The following ADAMTS17 variants were observed in gnomAD, a reference collection of about 807,000 sequenced individuals.
The protein encoded by ADAMTS17 is A disintegrin and metalloproteinase with thrombospondin motifs 17.
ADAMTS17 carries 113 observed loss-of-function variants against 141.5 expected under a neutral mutation model. The observed-to-expected ratio is 0.80, with a 90% CI of 0.69 to 0.93. ADAMTS17 has a LOEUF of 0.93. Among genes scored for constraint, ADAMTS17 ranks in the 40% least tolerant of loss-of-function variants. The pLI is 0.00. For missense variants in ADAMTS17, 1,659 were observed against 1,517.9 expected, an observed-to-expected ratio of 1.09 and a Z score of -1.54; for synonymous variants, 768 against 630.6, an observed-to-expected ratio of 1.22 and a Z score of -3.27.
intron 7 of ADAMTS17, among the ~76,000 whole-genome samples, chr15:100,206,766 C>T (rs1045604817): frequency 3.3e-5 from 5 of 152,218 alleles, no homozygotes; most frequent in Non-Finnish European, 7.3e-5. Context: ...TGGATCGAAT[C>T]TCCCTTCAGA....
intron 18 of ADAMTS17, among the ~76,000 whole-genome samples, chr15:100,030,774 A>G (rs2030079371): frequency 1.3e-5 from 2 of 152,188 alleles, no homozygotes; most frequent in Non-Finnish European, 2.9e-5. Context: ...ATGTTAGTAT[A>G]CTCTGGGACC....
chr15:100,341,610 G>T (rs959222624), intron 1 of ADAMTS17, among the ~76,000 whole-genome samples: 1 of 150,266 alleles, frequency 6.7e-6, no homozygotes, highest in East Asian at 2.0e-4. Flanking sequence ...CTCCCGGAAC[G>T]GCGCCGCGCA....
At position 99,973,354 on chromosome 15, in the gene ADAMTS17, G is replaced by C. The variant is rs1253673631; in HGVS notation, c.*1048C>G. The C allele has an allele frequency of 1.5e-5, 2 of 136,892 alleles. No individual in the cohort carries two copies. Among genetic ancestry groups the C allele is most frequent in the Non-Finnish European group, 3.2e-5 (2 of 62,804 alleles). 8.5% of individuals were successfully genotyped at this position (136,892 alleles called of 1,614,324 possible). On this transcript the variant is annotated 3_prime_UTR_variant, in exon 22 of 22. Coordinates refer to ENST00000268070, the MANE Select transcript of ADAMTS17 (RefSeq NM_139057.4). The stretch of plus-strand genomic sequence containing the variant: ...GGCTGCTCCGTGCCAGGATAGAGCA[G>C]TCAGGCCTTGCTCTACAGATCCTAG...
chr15:99,983,667 C>T (rs1233732566), intron 20 of ADAMTS17, among the ~76,000 whole-genome samples: 1 of 152,154 alleles, frequency 6.6e-6, no homozygotes, highest in African/African-American at 2.4e-5. Context: ...GCAGGGCTGC[C>T]CCCCACTGTC....
chr15:100,339,572 CCCCGCCCCAGGTCCACATT>C (rs2046302670), intron 2 of ADAMTS17, among the ~76,000 whole-genome samples: 1 of 127,512 alleles, frequency 7.8e-6, no homozygotes, highest in Non-Finnish European at 1.7e-5. Context: ...AACCCACATT[CCCCGCCCCAGGTCCACATT>C]CCCCGCCCCA....
intron 7 of ADAMTS17, among the ~76,000 whole-genome samples, chr15:100,234,605 T>C (rs916391078): frequency 2.0e-5 from 3 of 152,236 alleles, no homozygotes; most frequent in Non-Finnish European, 4.4e-5. Context: ...GACTGTCTTA[T>C]TGCTTCCTCT....
At chr15:100,210,572 C>T (rs2041767341) in intron 7 of ADAMTS17, among the ~76,000 whole-genome samples, 2 of 152,312 alleles carry the variant, frequency 1.3e-5, no homozygotes, top group South Asian at 2.1e-4. Flanking sequence ...CATCAGAGAC[C>T]GCAAGCTGGC....
intron 18 of ADAMTS17, among the ~76,000 whole-genome samples, chr15:100,024,090 A>AT (rs113743911): frequency 0.017 from 2,619 of 151,362 alleles, 37 homozygotes; most frequent in Non-Finnish European, 0.024. Flanking sequence ...CTAAAGGTTG[A>AT]TTTTTTTTTG....
rs1291261863 is a variant in ADAMTS17 at position 100,268,746 on chromosome 15, C to T, written c.790-6311G>A. The stretch of plus-strand genomic sequence containing the variant: ...TGTAGCTTGTATTCTTATTAAACTA[C>T]CAACATCATTTTCACAGAATTAGAA... On this transcript the variant is annotated intron_variant, in intron 4 of 21. Transcript: ENST00000268070. Among the ~76,000 whole-genome samples, 4 of 152,096 alleles carry T rather than the reference C, an allele frequency of 2.6e-5. 1 individual carries two copies. In the East Asian group the frequency reaches 7.7e-4, roughly 29 times the overall value.
intron 3 of ADAMTS17, among the ~76,000 whole-genome samples, chr15:100,299,950 C>G (rs2141807838): frequency 6.6e-6 from 1 of 152,148 alleles, no homozygotes; most frequent in South Asian, 2.1e-4. Flanking sequence ...GAGAAGGGCA[C>G]CAGGAACACA....
chr15:100,320,711 T>C (rs1364524488), intron 3 of ADAMTS17, among the ~76,000 whole-genome samples: 1 of 152,174 alleles, frequency 6.6e-6, no homozygotes, highest in Non-Finnish European at 1.5e-5. Flanking sequence ...CGCATGCCTG[T>C]AGTCCCAGCT....
At chr15:100,216,000 G>A (rs945057628) in intron 7 of ADAMTS17, among the ~76,000 whole-genome samples, 2 of 152,174 alleles carry the variant, frequency 1.3e-5, no homozygotes, top group African/African-American at 4.8e-5. Context: ...TAAGCCACAG[G>A]GAGATTTCTC....
intron 3 of ADAMTS17, among the ~76,000 whole-genome samples, chr15:100,294,869 G>A (rs935644956): frequency 6.6e-6 from 1 of 152,198 alleles, no homozygotes; most frequent in Non-Finnish European, 1.5e-5. Context: ...TTTTACATAG[G>A]TGGGGAAAAT....
At chr15:99,986,211 C>A (rs914836987) in intron 20 of ADAMTS17, among the ~76,000 whole-genome samples, 1 of 152,208 alleles carries the variant, frequency 6.6e-6, no homozygotes, top group Non-Finnish European at 1.5e-5. Context: ...GATGGTGTGT[C>A]CACATTGAAA....
chr15:100,296,056 C>T (rs2044797540), intron 3 of ADAMTS17, among the ~76,000 whole-genome samples: 1 of 152,100 alleles, frequency 6.6e-6, no homozygotes, highest in Non-Finnish European at 1.5e-5. Flanking sequence ...GATTTCTCAA[C>T]AACCTACCAC....
chr15:100,306,284 C>T (rs970140145), intron 3 of ADAMTS17: 5 of 345,440 alleles, frequency 1.4e-5, no homozygotes, highest in Non-Finnish European at 2.9e-5. Flanking sequence ...CTTCAGCCAA[C>T]AGAGTACCTT....
At chr15:100,152,135 A>T (rs1382688420) in intron 10 of ADAMTS17, among the ~76,000 whole-genome samples, 1 of 152,210 alleles carries the variant, frequency 6.6e-6, no homozygotes, top group Non-Finnish European at 1.5e-5. Context: ...ATTATCATAT[A>T]ATCAATTTAT....
chr15:100,016,438 C>T (rs2061290564), intron 18 of ADAMTS17, among the ~76,000 whole-genome samples: 1 of 152,222 alleles, frequency 6.6e-6, no homozygotes, highest in African/African-American at 2.4e-5. Context: ...ACTAAAGAGA[C>T]TTGTTTTGTC....
At chr15:100,032,622 A>G (rs959347881) in intron 18 of ADAMTS17, among the ~76,000 whole-genome samples, 6 of 152,210 alleles carry the variant, frequency 3.9e-5, no homozygotes, top group African/African-American at 9.6e-5. Context: ...TTGGATATCA[A>G]TTTAGAGCTG....
Sources: allele counts gnomAD v4.1 joint callset (sites outside exome capture counted in the v4.1 genomes callset), GRCh38; gene constraint gnomAD v4.1.1; transcripts MANE v1.5; gene names NCBI Gene and HGNC (gene_info 2026-07-23, HGNC 2026-07-21).